The following UNC80 variants were observed in gnomAD, a reference collection of about 807,000 sequenced individuals.
The protein encoded by UNC80 is unc-80 subunit of NALCN channel complex, also known as protein unc-80 homolog.
UNC80 carries 164 observed loss-of-function variants against 384.6 expected under a neutral mutation model. The observed-to-expected ratio is 0.43, with a 90% CI of 0.38 to 0.49. UNC80 has a LOEUF of 0.49. Among genes scored for constraint, UNC80 ranks in the 20% least tolerant of loss-of-function variants. The pLI, the probability that UNC80 is intolerant of heterozygous loss-of-function variation, is 0.00. For missense variants in UNC80, 3,330 were observed against 4,143.0 expected, an observed-to-expected ratio of 0.80 and a Z score of 5.39; for synonymous variants, 1,486 against 1,527.8, an observed-to-expected ratio of 0.97 and a Z score of 0.64.
At chr2:209,959,424 C>T (rs2125000987) in intron 50 of UNC80, 65 bp from the exon 51 acceptor site, 8 of 1,448,428 alleles carry the variant, frequency 5.5e-6, no homozygotes, top group South Asian at 1.2e-5. Flanking sequence ...GTGTGATACC[C>T]TCTTCTCACA....
Position 209,872,200 on chromosome 2 carries a change from C to T in UNC80, c.3628-558C>T, listed in dbSNP as rs956387789. 6.6e-6 allele frequency among the ~76,000 whole-genome samples: 1 copy of T among 151,738 alleles called. No homozygotes were observed. Among genetic ancestry groups the T allele is most frequent in the Non-Finnish European group, 1.5e-5 (1 of 67,892 alleles). On this transcript the variant is annotated intron_variant, in intron 22 of 64. Coordinates refer to ENST00000673920, the MANE Select transcript of UNC80 (RefSeq NM_001371986.1). This position sits in a 1 kb window ranked among gnomAD's most constrained non-coding sequence, Gnocchi z 4.1. ...TGGAGATGAAGTTTCATCATGTTGG[C>T]CAGGCTGGTCTTGAACTTCTTTTTT... is the stretch of plus-strand genomic sequence containing the variant.
chr2:209,896,437 C>T (rs1289336225), intron 28 of UNC80, 24 bp downstream of exon 28: 2 of 1,525,212 alleles, frequency 1.3e-6, no homozygotes, highest in African/African-American at 2.8e-5. Flanking sequence ...TCAGAAACAG[C>T]CCTGAGATCA....
chr2:209,979,512 G>C (rs927091685), intron 59 of UNC80, among the ~76,000 whole-genome samples: 2 of 152,184 alleles, frequency 1.3e-5, no homozygotes, highest in African/African-American at 4.8e-5. Context: ...GCTGTCTTGA[G>C]GGAAAGTACT....
rs547788656 is a variant in UNC80, at chr2:209,882,267, G to A, written c.4110+1173G>A. Among the ~76,000 whole-genome samples the A allele has an allele frequency of 2.2e-3, 329 of 152,054 alleles. 1 individual carries two copies. Among genetic ancestry groups the A allele is most frequent in the African/African-American group, 7.6e-3 (316 of 41,512 alleles). On this transcript the variant is annotated intron_variant, in intron 25 of 64. Coordinates refer to ENST00000673920, the MANE Select transcript of UNC80 (RefSeq NM_001371986.1). The stretch of plus-strand genomic sequence containing the variant: ...GGTGTGAGCCACCGCGCCTGGCCAC[G>A]TTTCCTCCTTTTTAAACCAAACTCG...
At chr2:209,822,717 T>A (rs2080228493) in intron 13 of UNC80, among the ~76,000 whole-genome samples, 1 of 152,004 alleles carries the variant, frequency 6.6e-6, no homozygotes, top group Non-Finnish European at 1.5e-5. Context: ...GCTTTGAAAT[T>A]TTATCCAAGT....
intron 22 of UNC80, 79 bp downstream of exon 22, chr2:209,849,702 A>T: frequency 7.3e-7 from 1 of 1,363,506 alleles, no homozygotes; most frequent in South Asian, 1.4e-5. Flanking sequence ...TGATTCCCCA[A>T]TTGTAATCCT....
intron 23 of UNC80, among the ~76,000 whole-genome samples, chr2:209,875,743 C>T (rs1395439241): frequency 6.6e-5 from 10 of 152,116 alleles, no homozygotes; most frequent in African/African-American, 2.4e-4. Context: ...CTTTCAGGAC[C>T]GTCCCCTCGA....
chr2:209,795,339 G>A (rs2078086048), intron 7 of UNC80: 1 of 152,414 alleles, frequency 6.6e-6, no homozygotes, highest in African/African-American at 2.4e-5. Flanking sequence ...ACTGTTAAAG[G>A]CATTCAGTTT....
At chr2:209,993,279 C>T in intron 62 of UNC80, 36 bp from the exon 63 acceptor site, 1 of 1,499,672 alleles carries the variant, frequency 6.7e-7, no homozygotes, top group African/African-American at 1.4e-5. Flanking sequence ...GGCAGTTAGA[C>T]CCTCTTGCAA....
intron 56 of UNC80, among the ~76,000 whole-genome samples, chr2:209,974,927 ATTTG>A (rs781686424): frequency 2.6e-5 from 4 of 151,956 alleles, no homozygotes; most frequent in Admixed American, 1.3e-4. Context: ...GTTGTTTTTT[ATTTG>A]TTTGTTTGTT....
At chr2:209,843,017 T>C (rs953912480) in intron 21 of UNC80, among the ~76,000 whole-genome samples, 1 of 152,168 alleles carries the variant, frequency 6.6e-6, no homozygotes, top group East Asian at 1.9e-4. Context: ...ACACATATCA[T>C]GCAAGCTCCA....
At chr2:209,971,589 T>G (rs1304108157) in intron 54 of UNC80, among the ~76,000 whole-genome samples, 1 of 147,784 alleles carries the variant, frequency 6.8e-6, no homozygotes, top group Non-Finnish European at 1.5e-5. Context: ...CTGATGTAAA[T>G]GGATAACTGA....
intron 36 of UNC80, among the ~76,000 whole-genome samples, chr2:209,927,972 G>C (rs551532059): frequency 2.0e-5 from 3 of 152,082 alleles, no homozygotes; most frequent in Admixed American, 6.6e-5. Context: ...AATATAAAAA[G>C]TGTTAATACA....
chr2:209,799,053 T>C (rs1574489757), intron 7 of UNC80, among the ~76,000 whole-genome samples: 1 of 142,200 alleles, frequency 7.0e-6, no homozygotes, highest in African/African-American at 2.6e-5. Context: ...TAATTTATTT[T>C]AAATTCATTA....
chr2:209,894,445 T>G lies in UNC80; in HGVS notation c.4480+79T>G, dbSNP rs190180938. On this transcript the variant is annotated intron_variant, in intron 27 of 64. Transcript: ENST00000673920. The stretch of plus-strand genomic sequence containing the variant: ...CAAGTCCCAAAAGAGCTGAAGTCCA[T>G]TTTCTTACACATAAATAGATGGAGG... 2.2e-4 allele frequency: 173 copies of G among 802,640 alleles called. 1 individual carries two copies. In the African/African-American group the frequency reaches 3.1e-3, roughly 14 times the overall value. The allele number at this position is 802,640 out of a possible 1,614,324, so 49.7% of individuals were successfully genotyped here.
chr2:209,809,044 G>T, intron 7 of UNC80: 1 of 417,388 alleles, frequency 2.4e-6, no homozygotes, highest in South Asian at 2.1e-5. Flanking sequence ...CAAGGCGGCA[G>T]AACTGACCTC....
intron 20 of UNC80, among the ~76,000 whole-genome samples, chr2:209,841,627 G>C (rs898451226): frequency 7.9e-5 from 12 of 152,060 alleles, no homozygotes; most frequent in Non-Finnish European, 1.5e-4. Context: ...TGGGATTACA[G>C]GTGTGAGCCA....
intron 22 of UNC80, among the ~76,000 whole-genome samples, chr2:209,867,689 A>G (rs1470710570): frequency 2.0e-5 from 3 of 152,012 alleles, no homozygotes; most frequent in Admixed American, 6.6e-5. Context: ...CTTGTGGCCC[A>G]TTGGAAACCC....
intron 13 of UNC80, among the ~76,000 whole-genome samples, chr2:209,824,796 A>G (rs375134625): frequency 6.6e-6 from 1 of 152,318 alleles, no homozygotes; most frequent in East Asian, 1.9e-4. Flanking sequence ...GCTAATGTAT[A>G]GATAAGCCCC....
Sources: gnomAD v4.1 joint callset for allele counts (sites outside exome capture counted in the v4.1 genomes callset) on GRCh38, gnomAD v4.1.1 for gene constraint, Gnocchi (gnomAD v3.1) non-coding constraint, MANE v1.5 for transcripts, NCBI Gene and HGNC (gene_info 2026-07-23, HGNC 2026-07-21) for gene names.